ANK2: variants seen among roughly 807,000 people sequenced by gnomAD.
The protein encoded by ANK2 is ankyrin 2.
ANK2 carries 83 observed loss-of-function variants against 360.5 expected under a neutral mutation model. The ratio of observed to expected loss-of-function variants is 0.23; its 90% CI spans 0.19 to 0.28. The LOEUF is 0.28. Among genes scored for constraint, ANK2 ranks in the 10% least tolerant of loss-of-function variants. The pLI, the probability that ANK2 is intolerant of heterozygous loss-of-function variation, is 1.00. For missense variants in ANK2, 4,201 were observed against 4,795.7 expected (o/e 0.88, Z 3.66); for synonymous variants, 1,740 against 1,759.5 (o/e 0.99, Z 0.28).
At chr4:112,947,772 A>G (rs1200549994) in intron 2 of ANK2, among the ~76,000 whole-genome samples, 2 of 152,196 alleles carry the variant, frequency 1.3e-5, no homozygotes, top group Non-Finnish European at 2.9e-5. Flanking sequence ...TCTTCTTTGG[A>G]TGAAATGTGT....
At chr4:113,145,556 C>G (rs944466426) in intron 1 of ANK2, 43 of 1,004,818 alleles carry the variant, frequency 4.3e-5, no homozygotes, top group East Asian at 9.4e-5. Flanking sequence ...CTCCCCTGCT[C>G]TCTGTCTGCC....
At chr4:112,755,139 C>G in the ANK2 span, among the ~76,000 whole-genome samples, 1 of 152,140 alleles carries the variant, frequency 6.6e-6, no homozygotes, top group South Asian at 2.1e-4. Context: ...CCTCCAATCC[C>G]CTGGGCCCCA....
chr4:113,381,514 A>G lies in ANK2; in HGVS notation c.*43A>G, dbSNP rs1016673917. 5 of 1,613,892 alleles carry G rather than the reference A, an allele frequency of 3.1e-6. No individual in the cohort carries two copies. The highest frequency in any genetic ancestry group is 3.3e-5 in the Admixed American group (2 of 59,992). ...GGGCTGTGGTGAAGGACCAGCATGGAAAACGCATTGACTTGGAGCACCTGG... is the reference window on the plus strand; with the variant it reads ...GGGCTGTGGTGAAGGACCAGCATGGGAAACGCATTGACTTGGAGCACCTGG... On this transcript the variant is annotated 3_prime_UTR_variant, in exon 46 of 46. Coordinates refer to ENST00000357077, the MANE Select transcript of ANK2 (RefSeq NM_001148.6).
intron 2 of ANK2, among the ~76,000 whole-genome samples, chr4:113,191,127 G>T (rs1040559116): frequency 1.3e-5 from 2 of 152,134 alleles, no homozygotes; most frequent in African/African-American, 2.4e-5. Context: ...ATCACCTGAG[G>T]TCAGGAGTTT....
At chr4:113,153,744 T>G (rs1384678916) in intron 1 of ANK2, among the ~76,000 whole-genome samples, 3 of 152,222 alleles carry the variant, frequency 2.0e-5, no homozygotes, top group East Asian at 1.9e-4. Context: ...AAGTGTACTC[T>G]GTGAACTACC....
At chr4:113,302,296 G>A (rs1291214014) in intron 22 of ANK2, among the ~76,000 whole-genome samples, 2 of 152,188 alleles carry the variant, frequency 1.3e-5, no homozygotes, top group Non-Finnish European at 2.9e-5. Flanking sequence ...TCCCAAAAGA[G>A]ATGTGTCATA....
chr4:113,259,051 A>C (rs557365313), intron 13 of ANK2, among the ~76,000 whole-genome samples: 1 of 152,224 alleles, frequency 6.6e-6, no homozygotes, highest in Non-Finnish European at 1.5e-5. Context: ...CTTTCATTCA[A>C]TCAACAAGTA....
intron 22 of ANK2, 38 bp from the exon 23 acceptor site, chr4:113,302,729 G>A (rs763847431): frequency 5.5e-5 from 84 of 1,523,716 alleles, no homozygotes; most frequent in Non-Finnish European, 7.6e-5. Context: ...GTTTACTTTT[G>A]GTTTCAACTT....
At chr4:112,996,822 GTTTTATTCATTATT>G (rs892589455) in intron 2 of ANK2, among the ~76,000 whole-genome samples, 5 of 152,042 alleles carry the variant, frequency 3.3e-5, no homozygotes, top group South Asian at 2.1e-4. Flanking sequence ...CAAATAATAG[GTTTTATTCATTATT>G]TTTTATTCAT....
At chr4:113,129,220 AG>A (rs1235801225) in intron 1 of ANK2, among the ~76,000 whole-genome samples, 21 of 152,226 alleles carry the variant, frequency 1.4e-4, no homozygotes, top group Admixed American at 6.5e-4. Flanking sequence ...GTAGAATTCC[AG>A]TGAACAAATC....
chr4:112,720,900 A>T, the ANK2 span, among the ~76,000 whole-genome samples: 1 of 152,234 alleles, frequency 6.6e-6, no homozygotes. Context: ...TCAAGGGAAT[A>T]ATGGTTCCAT....
At chr4:113,185,251 G>C (rs1467018496) in intron 2 of ANK2, among the ~76,000 whole-genome samples, 2 of 151,908 alleles carry the variant, frequency 1.3e-5, no homozygotes, top group Non-Finnish European at 2.9e-5. Flanking sequence ...AAATGGTTTG[G>C]TTCTAGATCT....
chr4:113,075,847 T>A (rs2079722456), intron 1 of ANK2, among the ~76,000 whole-genome samples: 1 of 152,160 alleles, frequency 6.6e-6, no homozygotes, highest in African/African-American at 2.4e-5. Context: ...TAAACACCCT[T>A]AGGCTGATGG....
At chr4:112,955,295 C>T (rs2154255329) in intron 2 of ANK2, among the ~76,000 whole-genome samples, 1 of 152,148 alleles carries the variant, frequency 6.6e-6, no homozygotes, top group African/African-American at 2.4e-5. Flanking sequence ...AAAAACTAGA[C>T]ATCAAAGTAA....
chr4:113,099,271 T>C (rs72671600), intron 1 of ANK2, among the ~76,000 whole-genome samples: 1 of 123,356 alleles, frequency 8.1e-6, no homozygotes, highest in East Asian at 2.4e-4. Flanking sequence ...TCAACAACAA[T>C]AACAAAGACC....
chr4:112,933,343 AAAATT>A, intron 2 of ANK2, among the ~76,000 whole-genome samples: 2 of 152,360 alleles, frequency 1.3e-5, no homozygotes, highest in East Asian at 3.9e-4. Flanking sequence ...TTCAAAATAA[AAAATT>A]AAACAAAAAC....
intron 37 of ANK2, 112 bp from the exon 38 acceptor site, chr4:113,352,933 C>CCCA (rs938840762): frequency 7.2e-5 from 92 of 1,276,296 alleles, no homozygotes; most frequent in African/African-American, 1.3e-4. Context: ...TGTTGCCCCT[C>CCCA]CCACCACCAC....
chr4:113,240,464 G>A lies in ANK2; in HGVS notation c.694-21G>A, dbSNP rs769073818. On this transcript the variant is annotated intron_variant, in intron 7 of 45. Coordinates refer to ENST00000357077, the MANE Select transcript of ANK2 (RefSeq NM_001148.6). ...AGAAAAGTGAAGCGCTATACTGACTGTCATATCTTTGCTTTCATAGAGTGG... is the reference window on the plus strand; with the variant it reads ...AGAAAAGTGAAGCGCTATACTGACTATCATATCTTTGCTTTCATAGAGTGG... 48 of 1,579,160 alleles carry A rather than the reference G, an allele frequency of 3.0e-5. No homozygotes were observed. The East Asian group carries it at 6.7e-4, about 22-fold the overall frequency.
intron 1 of ANK2, among the ~76,000 whole-genome samples, chr4:113,097,897 C>T (rs1446590068): frequency 7.2e-5 from 9 of 125,724 alleles, no homozygotes; most frequent in Non-Finnish European, 1.5e-4. Flanking sequence ...CACACGCACA[C>T]ACACATATAT....
Sources: gnomAD v4.1 joint callset for allele counts (sites outside exome capture counted in the v4.1 genomes callset) on GRCh38, gnomAD v4.1.1 for gene constraint, MANE v1.5 for transcripts, NCBI Gene and HGNC (gene_info 2026-07-23, HGNC 2026-07-21) for gene names.